The following PTPRD variants were observed in gnomAD, a reference collection of about 807,000 sequenced individuals.
PTPRD encodes the protein protein tyrosine phosphatase receptor type D.
PTPRD carries 34 observed loss-of-function variants against 214.5 expected under a neutral mutation model. The observed-to-expected ratio is 0.16, with a 90% CI of 0.12 to 0.21. The LOEUF (loss-of-function observed/expected upper bound fraction) is 0.21, where lower values mean the gene tolerates loss of function less well. Ranked by LOEUF, PTPRD falls within the 10% of genes least tolerant of loss-of-function variation. The probability of loss-of-function intolerance (pLI) is 1.00; values close to 1 mark genes in which losing one functional copy is unlikely to be tolerated. For missense variants in PTPRD, 2,545 were observed against 2,398.7 expected (o/e 1.06, Z -1.27); for synonymous variants, 1,128 against 845.7 (o/e 1.33, Z -5.79).
At chr9:9,484,479 T>C (rs968123965) in intron 8 of PTPRD, among the ~76,000 whole-genome samples, 4 of 152,162 alleles carry the variant, frequency 2.6e-5, no homozygotes, top group Non-Finnish European at 5.9e-5. Flanking sequence ...GGTGGCTACA[T>C]GGATGTCTAC....
chr9:10,070,640 A>G (rs1418094021), intron 3 of PTPRD, among the ~76,000 whole-genome samples: 2 of 152,064 alleles, frequency 1.3e-5, no homozygotes, highest in South Asian at 2.1e-4. Context: ...TTACATTTTA[A>G]TTAATAACAG....
At chr9:10,552,764 G>A (rs188165125) in intron 2 of PTPRD, among the ~76,000 whole-genome samples, 5 of 151,746 alleles carry the variant, frequency 3.3e-5, no homozygotes, top group East Asian at 3.9e-4. Flanking sequence ...GCTCTCCCAT[G>A]GAAAGAAAAA....
At chr9:8,950,899 G>A (rs1474084313) in intron 11 of PTPRD, among the ~76,000 whole-genome samples, 2 of 151,824 alleles carry the variant, frequency 1.3e-5, no homozygotes, top group Admixed American at 1.3e-4. Context: ...TCTGACCACG[G>A]CAAATATACT....
intron 34 of PTPRD, chr9:8,437,295 A>AAAAG: frequency 7.5e-7 from 1 of 1,334,494 alleles, no homozygotes. Flanking sequence ...CTTCAAAAAA[A>AAAAG]AATGAAATGG....
chr9:9,928,237 G>A (rs528939292), intron 5 of PTPRD, among the ~76,000 whole-genome samples: 1 of 152,224 alleles, frequency 6.6e-6, no homozygotes, highest in Admixed American at 6.5e-5. Context: ...AATATTACAT[G>A]GTTAGAATTA....
At chr9:9,464,905 A>G (rs1052250810) in intron 8 of PTPRD, among the ~76,000 whole-genome samples, 8 of 152,186 alleles carry the variant, frequency 5.3e-5, no homozygotes. Flanking sequence ...AAGCATGTCC[A>G]ATGCAGGCGT....
intron 11 of PTPRD, among the ~76,000 whole-genome samples, chr9:8,759,698 T>A (rs542587740): frequency 1.3e-5 from 2 of 151,958 alleles, no homozygotes; most frequent in African/African-American, 4.8e-5. Flanking sequence ...CTGCTGCTCA[T>A]GACTTTCTGC....
chr9:8,404,588 C>G lies in PTPRD; in HGVS notation c.4159G>C (p.Ala1387Pro), dbSNP rs2092780914. 1 of 1,613,432 alleles carries G rather than the reference C, an allele frequency of 6.2e-7. No homozygotes were observed. The highest frequency in any genetic ancestry group is 1.3e-5 in the African/African-American group (1 of 74,912). ...LEVNKPKNRY[A>P]NVIAYDHSRV... The stretch of plus-strand genomic sequence containing the variant: ...GAATGATCATATGCGATTACATTCG[C>G]GTATCTATTCTTTGGTTTGTTTACT... Residue 1387 changes from alanine to proline, a missense_variant, in exon 36 of 46, where the codon GCG (alanine) becomes CCG (proline). Physicochemically the swap from Ala to Pro is conservative, Grantham distance 27. Transcript: ENST00000381196.
chr9:10,059,389 T>C (rs1230633526), intron 3 of PTPRD, among the ~76,000 whole-genome samples: 3 of 152,132 alleles, frequency 2.0e-5, no homozygotes, highest in African/African-American at 7.2e-5. Flanking sequence ...ACAGTCACAA[T>C]TGCAGCATCC....
At chr9:8,702,595 GC>G (rs2098113828) in intron 12 of PTPRD, among the ~76,000 whole-genome samples, 1 of 152,132 alleles carries the variant, frequency 6.6e-6, no homozygotes, top group Non-Finnish European at 1.5e-5. Flanking sequence ...TTTAAGAAAA[GC>G]CACAATATAA....
intron 11 of PTPRD, among the ~76,000 whole-genome samples, chr9:8,932,321 C>T (rs2098958377): frequency 6.6e-6 from 1 of 152,202 alleles, no homozygotes; most frequent in Admixed American, 6.5e-5. Flanking sequence ...CCTCTAAACA[C>T]TGCTTTAGCT....
At chr9:8,728,065 T>C (rs1052254183) in intron 12 of PTPRD, among the ~76,000 whole-genome samples, 4 of 151,960 alleles carry the variant, frequency 2.6e-5, no homozygotes, top group Admixed American at 1.3e-4. Flanking sequence ...CTGACCAATA[T>C]GGAGAAACCC....
rs185807289 is a variant in PTPRD, at chr9:8,697,715, G to T, written c.64+36065C>A. 5.9e-4 allele frequency among the ~76,000 whole-genome samples: 90 copies of T among 151,948 alleles called. 1 individual carries two copies. Among genetic ancestry groups the T allele is most frequent in the Admixed American group, 3.2e-3 (49 of 15,238 alleles). ...TGGGATTACAGGCATGAGCCACCAC[G>T]CCCAGGCCTGGATTTTTTTAAAGAC... On this transcript the variant is annotated intron_variant, in intron 12 of 45. Coordinates refer to ENST00000381196, the MANE Select transcript of PTPRD (RefSeq NM_002839.4).
intron 2 of PTPRD, among the ~76,000 whole-genome samples, chr9:10,422,437 A>T (rs2098554091): frequency 6.6e-6 from 1 of 152,130 alleles, no homozygotes. Flanking sequence ...AGCAATGGTA[A>T]CAAAAGCCAA....
At chr9:9,795,582 A>C (rs1329840534) in intron 5 of PTPRD, among the ~76,000 whole-genome samples, 2 of 152,252 alleles carry the variant, frequency 1.3e-5, no homozygotes, top group Non-Finnish European at 2.9e-5. Context: ...GGGAGTATAC[A>C]TGCTAGATAA....
At chr9:10,575,205 G>C (rs1054627923) in intron 2 of PTPRD, among the ~76,000 whole-genome samples, 1 of 151,864 alleles carries the variant, frequency 6.6e-6, no homozygotes, top group Admixed American at 6.6e-5. Flanking sequence ...TCAAAGATTA[G>C]TAATCATCAT....
chr9:8,549,818 T>C (rs34535566), intron 14 of PTPRD, among the ~76,000 whole-genome samples: 23,755 of 152,162 alleles, frequency 0.16, 1,995 homozygotes, highest in Non-Finnish European at 0.2. Flanking sequence ...TTTTAAAAAT[T>C]ATTACAAAAG....
Position 8,737,931 on chromosome 9 carries a change from G to T in PTPRD, c.-103-3985C>A, listed in dbSNP as rs574465722. Among the ~76,000 whole-genome samples, 45 of 126,922 alleles carry T rather than the reference G, an allele frequency of 3.5e-4. 1 individual carries two copies. Among genetic ancestry groups the T allele is most frequent in the Admixed American group, 3.2e-3 (39 of 12,146 alleles). The allele number at this position is 126,922 out of a possible 152,430, so 83.3% of individuals were successfully genotyped here. A position where few individuals can be genotyped will look rare whatever the true frequency, so the allele number is the denominator to read the frequency against. Reference sequence around the variant, plus strand: ...CCCAACGTGCTGGGATTATAGATGTGAGCCACTGCACCCGGCTCTCTGTCT... The same window carrying T: ...CCCAACGTGCTGGGATTATAGATGTTAGCCACTGCACCCGGCTCTCTGTCT... On this transcript the variant is annotated intron_variant, in intron 11 of 45. Coordinates refer to ENST00000381196, the MANE Select transcript of PTPRD (RefSeq NM_002839.4).
chr9:9,123,197 C>A (rs543454594), intron 10 of PTPRD, among the ~76,000 whole-genome samples: 2 of 152,260 alleles, frequency 1.3e-5, no homozygotes, highest in Admixed American at 1.3e-4. Context: ...TAGGGTCAGT[C>A]ATGCAGTCAT....
Sources: allele counts gnomAD v4.1 joint callset (sites outside exome capture counted in the v4.1 genomes callset), GRCh38; gene constraint gnomAD v4.1.1; transcripts MANE v1.5; gene names NCBI Gene and HGNC (gene_info 2026-07-23, HGNC 2026-07-21).